CNTN5: variants seen among roughly 807,000 people sequenced by gnomAD.
CNTN5 encodes the protein contactin 5.
In CNTN5, 77 loss-of-function variants were observed where a neutral mutation model predicts 129.1. The observed-to-expected ratio is 0.60, with a 90% CI of 0.50 to 0.72. The LOEUF is 0.72. Among genes scored for constraint, CNTN5 ranks in the 30% least tolerant of loss-of-function variants. The pLI, the probability that CNTN5 is intolerant of heterozygous loss-of-function variation, is 0.00. For missense variants in CNTN5, 1,478 were observed against 1,328.8 expected (o/e 1.11, Z -1.75); for synonymous variants, 509 against 465.6 (o/e 1.09, Z -1.20).
chr11:100,155,298 T>C (rs1005216795), intron 13 of CNTN5, among the ~76,000 whole-genome samples: 1 of 152,130 alleles, frequency 6.6e-6, no homozygotes, highest in African/African-American at 2.4e-5. Flanking sequence ...CATTGCTTGT[T>C]TTTGTAAGGT....
intron 3 of CNTN5, among the ~76,000 whole-genome samples, chr11:99,592,038 G>C (rs945035838): frequency 6.6e-6 from 1 of 152,208 alleles, no homozygotes; most frequent in African/African-American, 2.4e-5. Context: ...CAGGTGGACT[G>C]TTTACTAAAG....
At chr11:100,159,294 C>G (rs577157731) in intron 13 of CNTN5, among the ~76,000 whole-genome samples, 1 of 151,894 alleles carries the variant, frequency 6.6e-6, no homozygotes, top group East Asian at 1.9e-4. Context: ...TGTTCTAGCT[C>G]CTCACCTTCA....
chr11:99,864,865 T>C (rs549146623), intron 6 of CNTN5, among the ~76,000 whole-genome samples: 1 of 152,354 alleles, frequency 6.6e-6, no homozygotes, highest in South Asian at 2.1e-4. Flanking sequence ...AGTTTTCATA[T>C]ACCACGATTA....
Position 99,166,247 on chromosome 11 carries a change from A to G in CNTN5, c.-210+144977A>G, listed in dbSNP as rs568411702. The stretch of plus-strand genomic sequence containing the variant: ...GAAATTCCATGTCTACTAAATATAC[A>G]AAAAATTAGCCGGGCATGGTGGCAC... On this transcript the variant is annotated intron_variant, in intron 1 of 24. Transcript: ENST00000524871. Among the ~76,000 whole-genome samples the G allele has an allele frequency of 1.1e-4, 16 of 152,098 alleles. No individual in the cohort carries two copies. The South Asian group carries it at 2.5e-3, about 24-fold the overall frequency.
chr11:99,101,636 T>G (rs1161560777), intron 1 of CNTN5, among the ~76,000 whole-genome samples: 1 of 152,206 alleles, frequency 6.6e-6, no homozygotes, highest in Non-Finnish European at 1.5e-5. Context: ...AACTACAAAA[T>G]GATCTCCTCT....
chr11:99,729,872 G>A (rs371739409), intron 3 of CNTN5, among the ~76,000 whole-genome samples: 1 of 152,102 alleles, frequency 6.6e-6, no homozygotes, highest in Non-Finnish European at 1.5e-5. Context: ...CACGGGGAGG[G>A]GAACAACACA....
intron 1 of CNTN5, among the ~76,000 whole-genome samples, chr11:99,070,035 T>A (rs144425313): frequency 6.6e-6 from 1 of 152,202 alleles, no homozygotes; most frequent in Non-Finnish European, 1.5e-5. Flanking sequence ...CTCTTCAGGC[T>A]GCCTCTCTCC....
intron 16 of CNTN5, among the ~76,000 whole-genome samples, chr11:100,254,449 C>A (rs1290171514): frequency 3.4e-4 from 52 of 152,072 alleles, no homozygotes; most frequent in Admixed American, 3.3e-3. Context: ...AAAAAATTGT[C>A]ATTTCTTCTC....
At chr11:100,034,678 C>T (rs896947567) in intron 9 of CNTN5, among the ~76,000 whole-genome samples, 2 of 152,174 alleles carry the variant, frequency 1.3e-5, no homozygotes, top group Non-Finnish European at 2.9e-5. Context: ...TTGGTGGTTG[C>T]TTTCACTCTA....
chr11:100,291,001 G>GA (rs1270938950), intron 18 of CNTN5, among the ~76,000 whole-genome samples: 2 of 150,812 alleles, frequency 1.3e-5, no homozygotes, highest in African/African-American at 4.9e-5. Context: ...AAAAACACAT[G>GA]AAAAAATGCT....
At chr11:99,810,323 GCTT>G (rs1946392842) in intron 3 of CNTN5, among the ~76,000 whole-genome samples, 1 of 152,020 alleles carries the variant, frequency 6.6e-6, no homozygotes, top group African/African-American at 2.4e-5. Flanking sequence ...TTCAAATCAC[GCTT>G]CTTTTCCCTT....
intron 1 of CNTN5, among the ~76,000 whole-genome samples, chr11:99,231,790 T>C (rs1861013641): frequency 1.3e-5 from 2 of 152,206 alleles, no homozygotes; most frequent in African/African-American, 4.8e-5. Context: ...GGGTTTTACA[T>C]TTAAGTCTTT....
At chr11:99,757,908 G>A (rs537616246) in intron 3 of CNTN5, among the ~76,000 whole-genome samples, 2 of 151,978 alleles carry the variant, frequency 1.3e-5, no homozygotes, top group South Asian at 2.1e-4. Context: ...CGCACAGAAG[G>A]TTCTAAAAAT....
chr11:99,529,787 A>G (rs1428238613), intron 2 of CNTN5, among the ~76,000 whole-genome samples: 1 of 152,208 alleles, frequency 6.6e-6, no homozygotes, highest in Non-Finnish European at 1.5e-5. Context: ...AACAAAGAAC[A>G]AGGTAAAATG....
intron 3 of CNTN5, among the ~76,000 whole-genome samples, chr11:99,744,879 A>G (rs922438320): frequency 2.0e-5 from 3 of 151,616 alleles, no homozygotes; most frequent in Admixed American, 6.6e-5. Flanking sequence ...TTATCTGCCA[A>G]TGCCATAGCT....
chr11:99,124,320 CT>C (rs1264520968), intron 1 of CNTN5, among the ~76,000 whole-genome samples: 1 of 151,976 alleles, frequency 6.6e-6, no homozygotes, highest in East Asian at 1.9e-4. Context: ...CCAGATTTGG[CT>C]CTAAACTTAG....
At chr11:100,163,035 G>A (rs1480527796) in intron 13 of CNTN5, among the ~76,000 whole-genome samples, 6 of 151,774 alleles carry the variant, frequency 4.0e-5, no homozygotes, top group Non-Finnish European at 4.4e-5. Context: ...CCTTAGAAAT[G>A]TGTTAGAGTA....
At chr11:99,354,693 CT>C (rs1490134125) in intron 2 of CNTN5, among the ~76,000 whole-genome samples, 2 of 152,176 alleles carry the variant, frequency 1.3e-5, no homozygotes, top group Non-Finnish European at 2.9e-5. Flanking sequence ...ACCCCATGAT[CT>C]CTCTCCTGAA....
intron 13 of CNTN5, among the ~76,000 whole-genome samples, chr11:100,172,538 A>T (rs1947855783): frequency 6.6e-6 from 1 of 152,028 alleles, no homozygotes; most frequent in African/African-American, 2.4e-5. Flanking sequence ...ATAACTAGGA[A>T]TCTGGGAACA....
Sources: allele counts gnomAD v4.1 joint callset (sites outside exome capture counted in the v4.1 genomes callset), GRCh38; gene constraint gnomAD v4.1.1; transcripts MANE v1.5; gene names NCBI Gene and HGNC (gene_info 2026-07-23, HGNC 2026-07-21).